MYO1D: variants seen among roughly 807,000 people sequenced by gnomAD.
MYO1D encodes unconventional myosin-Id.
In MYO1D, 83 loss-of-function variants were observed where a neutral mutation model predicts 122.0. The ratio of observed to expected loss-of-function variants is 0.68; its 90% confidence interval spans 0.57 to 0.82. The LOEUF (loss-of-function observed/expected upper bound fraction) is 0.82. Among genes scored for constraint, MYO1D ranks in the 40% least tolerant of loss-of-function variants. MYO1D has a pLI of 0.00. For synonymous variants in MYO1D, 464 were observed against 446.9 expected, an observed-to-expected ratio of 1.04 and a Z score of -0.48; for missense variants, 1,157 against 1,269.5, an observed-to-expected ratio of 0.91 and a Z score of 1.35.
rs181601604 is a variant in MYO1D, at chr17:32,799,450, A to G, written c.96-18666T>C. Among the ~76,000 whole-genome samples, 450 of 152,304 alleles carry G rather than the reference A, an allele frequency of 3.0e-3. 2 individuals are homozygous for G. Among genetic ancestry groups the G allele is most frequent in the African/African-American group, 9.3e-3 (385 of 41,578 alleles). The stretch of plus-strand genomic sequence containing the variant: ...AAAATAGCTGTCCTCAATCTCTTCA[A>G]TAAATGGTGTTAGGAAAACTGGATA... On this transcript the variant is annotated intron_variant, in intron 1 of 21. Coordinates refer to ENST00000318217, the MANE Select transcript of MYO1D (RefSeq NM_015194.3).
intron 21 of MYO1D, among the ~76,000 whole-genome samples, chr17:32,583,157 A>T (rs908735257): frequency 1.3e-5 from 2 of 152,096 alleles, no homozygotes; most frequent in African/African-American, 4.8e-5. Flanking sequence ...GCTTGGTATG[A>T]AATTGTAGGT....
At chr17:32,598,943 T>C (rs1367514497) in intron 21 of MYO1D, among the ~76,000 whole-genome samples, 5 of 152,220 alleles carry the variant, frequency 3.3e-5, no homozygotes, top group Non-Finnish European at 7.3e-5. Flanking sequence ...CAGTGAGTTG[T>C]AATCTTTTTG....
At chr17:32,626,271 C>T (rs1277709361) in intron 20 of MYO1D, among the ~76,000 whole-genome samples, 1 of 152,200 alleles carries the variant, frequency 6.6e-6, no homozygotes, top group African/African-American at 2.4e-5. Context: ...TAAAGGAAGC[C>T]TATTATTGCC....
chr17:32,755,236 T>A (rs1454992622), intron 11 of MYO1D, among the ~76,000 whole-genome samples: 1 of 152,344 alleles, frequency 6.6e-6, no homozygotes, highest in East Asian at 1.9e-4. Context: ...ATCATGCTCA[T>A]TTTTCCTGTT....
intron 21 of MYO1D, chr17:32,510,552 C>T (rs1909658946): frequency 1.3e-5 from 2 of 152,222 alleles, no homozygotes; most frequent in African/African-American, 4.8e-5. Context: ...ACATCTTTGT[C>T]TTGACTTTCC....
chr17:32,651,036 G>C (rs2088380757), intron 19 of MYO1D, among the ~76,000 whole-genome samples: 3 of 152,108 alleles, frequency 2.0e-5, no homozygotes, highest in Admixed American at 6.6e-5. Context: ...GTTCTGGTTA[G>C]GTTACTTGGG....
chr17:32,494,580 G>T lies in MYO1D; in HGVS notation c.*179C>A. ...ATTGAACAGGGACCGTGGACAGTAA[G>T]GACAGAGGAAGATGATACCAAAGGC... On this transcript the variant is annotated 3_prime_UTR_variant, in exon 22 of 22. Coordinates refer to ENST00000318217, the MANE Select transcript of MYO1D (RefSeq NM_015194.3). The T allele has an allele frequency of 1.3e-6, 1 of 763,720 alleles. No homozygotes were observed. The highest frequency in any genetic ancestry group is 2.1e-6 in the Non-Finnish European group (1 of 486,814). 47.3% of individuals were successfully genotyped at this position (763,720 alleles called of 1,614,324 possible). A position where few individuals can be genotyped will look rare whatever the true frequency, so the allele number is the denominator to read the frequency against.
intron 15 of MYO1D, among the ~76,000 whole-genome samples, chr17:32,719,210 G>C (rs986743928): frequency 8.5e-5 from 13 of 152,106 alleles, no homozygotes; most frequent in African/African-American, 2.9e-4. Flanking sequence ...ATCCATGAGA[G>C]AGTCTTGTCA....
chr17:32,850,029 A>G (rs184051062), intron 1 of MYO1D, among the ~76,000 whole-genome samples: 83 of 152,312 alleles, frequency 5.4e-4, no homozygotes, highest in Non-Finnish European at 9.1e-4. Context: ...AGCAAGTAAT[A>G]TGTTTTCAAT....
At chr17:32,808,369 TAAAA>T (rs201707206) in intron 1 of MYO1D, among the ~76,000 whole-genome samples, 1 of 133,100 alleles carries the variant, frequency 7.5e-6, no homozygotes, top group Non-Finnish European at 1.6e-5. Flanking sequence ...CCTGTCTCTT[TAAAA>T]AAAAAAAAAA....
At position 32,494,931 on chromosome 17, in the gene MYO1D, A is replaced by C. The variant is rs756167982; in HGVS notation, c.2865-16T>G. 1.5e-5 allele frequency: 23 copies of C among 1,579,928 alleles called. No individual in the cohort carries two copies. The highest frequency in any genetic ancestry group is 3.3e-4 in the Middle Eastern group (2 of 5,978). ...GCGCTTCTCACTGCAGGAACCAAAA[A>C]CACCAGACGGGCAGTTAGCAGGCAG... On this transcript the variant is annotated splice_polypyrimidine_tract_variant and intron_variant, in intron 21 of 21. Transcript: ENST00000318217.
chr17:32,862,617 T>C (rs1216093472), intron 1 of MYO1D, among the ~76,000 whole-genome samples: 1 of 152,164 alleles, frequency 6.6e-6, no homozygotes, highest in East Asian at 1.9e-4. Flanking sequence ...GACAGAAAAA[T>C]ACATACATTG....
At chr17:32,573,912 C>T (rs1450321134) in intron 21 of MYO1D, among the ~76,000 whole-genome samples, 1 of 152,052 alleles carries the variant, frequency 6.6e-6, no homozygotes, top group African/African-American at 2.4e-5. Context: ...AGTGCAGTGG[C>T]GCAATCTCGA....
At chr17:32,803,423 G>A (rs2090477849) in intron 1 of MYO1D, among the ~76,000 whole-genome samples, 1 of 152,140 alleles carries the variant, frequency 6.6e-6, no homozygotes, top group Admixed American at 6.6e-5. Flanking sequence ...TGGGATTACA[G>A]GTGTAAGCCA....
chr17:32,708,102 A>G (rs914886509), intron 16 of MYO1D, among the ~76,000 whole-genome samples: 2 of 152,222 alleles, frequency 1.3e-5, no homozygotes, highest in African/African-American at 4.8e-5. Flanking sequence ...GTGAATCATC[A>G]AAACAGGATA....
chr17:32,853,574 T>C (rs2091006166), intron 1 of MYO1D, among the ~76,000 whole-genome samples: 1 of 152,236 alleles, frequency 6.6e-6, no homozygotes, highest in Non-Finnish European at 1.5e-5. Context: ...ATTACACTGC[T>C]GTAATTATTT....
At chr17:32,792,076 A>T (rs527268780) in intron 1 of MYO1D, among the ~76,000 whole-genome samples, 8 of 152,236 alleles carry the variant, frequency 5.3e-5, no homozygotes, top group Non-Finnish European at 1.2e-4. Context: ...GTGATTATAC[A>T]ATAATATATT....
At chr17:32,851,571 G>C (rs142126450) in intron 1 of MYO1D, among the ~76,000 whole-genome samples, 2 of 152,244 alleles carry the variant, frequency 1.3e-5, no homozygotes, top group East Asian at 3.9e-4. Flanking sequence ...CAAACTCAAT[G>C]GTCTCCTCCA....
At chr17:32,870,696 T>G (rs913376040) in intron 1 of MYO1D, among the ~76,000 whole-genome samples, 1 of 152,102 alleles carries the variant, frequency 6.6e-6, no homozygotes, top group Non-Finnish European at 1.5e-5. Context: ...TTAAGATGTA[T>G]TAAACATGGG....
Sources: gnomAD v4.1 joint callset for allele counts (sites outside exome capture counted in the v4.1 genomes callset) on GRCh38, gnomAD v4.1.1 for gene constraint, MANE v1.5 for transcripts, NCBI Gene and HGNC (gene_info 2026-07-23, HGNC 2026-07-21) for gene names.